The following AXIN2 variants were observed in gnomAD, a reference collection of about 807,000 sequenced individuals.
AXIN2 encodes the protein axin-2.
A neutral mutation model predicts 74.7 loss-of-function variants in AXIN2; 21 were observed. The ratio of observed to expected loss-of-function variants is 0.28; its 90% CI spans 0.20 to 0.40. The LOEUF is 0.40. Among genes scored for constraint, AXIN2 ranks in the 10% least tolerant of loss-of-function variants. AXIN2 has a pLI of 1.00. For synonymous variants in AXIN2, 532 were observed against 454.9 expected (o/e 1.17, Z -2.16); for missense variants, 1,144 against 1,111.1 (o/e 1.03, Z -0.42).
chr17:65,545,654 C>A (rs1384703425), intron 3 of AXIN2, among the ~76,000 whole-genome samples: 2 of 151,162 alleles, frequency 1.3e-5, no homozygotes, highest in African/African-American at 4.9e-5. Context: ...GACTCTGTCT[C>A]AAAAAAAAAT....
chr17:65,561,308 GC>G (rs1272863757), intron 1 of AXIN2, 141 bp downstream of exon 1: 5 of 88,488 alleles, frequency 5.7e-5, no homozygotes, highest in South Asian at 4.1e-4. Flanking sequence ...CCCCGCCCGC[GC>G]CCCCCTCCAG....
chr17:65,533,826 T>C, intron 10 of AXIN2, 86 bp downstream of exon 10: 1 of 780,476 alleles, frequency 1.3e-6, no homozygotes, highest in Non-Finnish European at 2.0e-6. Context: ...CACCTAGGTC[T>C]GCTCAGCCAG....
chr17:65,536,661 T>TAA, intron 7 of AXIN2, 108 bp from the exon 8 acceptor site: 21 of 1,218,790 alleles, frequency 1.7e-5, no homozygotes, highest in Non-Finnish European at 2.2e-5. Context: ...GAGAGAGAGT[T>TAA]AAAAAAAAAA....
chr17:65,553,205 G>A (rs1295052210), intron 2 of AXIN2, among the ~76,000 whole-genome samples: 2 of 152,288 alleles, frequency 1.3e-5, no homozygotes, highest in East Asian at 1.9e-4. Flanking sequence ...GTCCTCACAC[G>A]AATCTCCGAC....
At chr17:65,559,402 C>T (rs1016723621) in intron 1 of AXIN2, 5 of 152,078 alleles carry the variant, frequency 3.3e-5, no homozygotes, top group African/African-American at 1.2e-4. Flanking sequence ...GCAAACACCC[C>T]CTCCCCAACT....
intron 8 of AXIN2, 36 bp from the exon 9 acceptor site, chr17:65,535,757 C>T (rs1567753553): frequency 2.5e-6 from 4 of 1,569,022 alleles, no homozygotes; most frequent in Non-Finnish European, 1.8e-6. Flanking sequence ...TTTAGAGGTA[C>T]ACTGTTGTCC....
chr17:65,541,366 A>T, intron 4 of AXIN2, 89 bp downstream of exon 4: 1 of 1,208,574 alleles, frequency 8.3e-7, no homozygotes. Context: ...TACCTTCCCT[A>T]TACCTCTCCC....
rs2144498936 is a variant in AXIN2, at chr17:65,541,359, C to T, written c.1059+96G>A. 5.2e-6 allele frequency: 6 copies of T among 1,146,814 alleles called. No individual in the cohort carries two copies. The South Asian group carries it at 7.4e-5, about 14-fold the overall frequency. The allele number at this position is 1,146,814 out of a possible 1,614,324, so 71.0% of individuals were successfully genotyped here. A position where few individuals can be genotyped will look rare whatever the true frequency, so the allele number is the denominator to read the frequency against. Reference sequence around the variant, plus strand: ...GACCTTAGGTACTGCTCTTTTCTACCTTCCCTATACCTCTCCCCATTCCAC... The same window carrying T: ...GACCTTAGGTACTGCTCTTTTCTACTTTCCCTATACCTCTCCCCATTCCAC... On this transcript the variant is annotated intron_variant, in intron 4 of 10. Transcript: ENST00000307078.
chr17:65,537,609 T>A lies in AXIN2; in HGVS notation c.1427A>T (p.Gln476Leu). The A allele has an allele frequency of 6.2e-7, 1 of 1,600,730 alleles. No individual in the cohort carries two copies. Among genetic ancestry groups the A allele is most frequent in the Non-Finnish European group, 8.5e-7 (1 of 1,175,554 alleles). The change falls in exon 6 of 11, where the codon CAG becomes CTG. Residue 476 changes from glutamine (Q) to leucine (L), a missense_variant. Gln to Leu is a moderately radical substitution (Grantham distance 113). Transcript: ENST00000307078. The stretch of plus-strand genomic sequence containing the variant: ...ACCGGGCGGGAGCAGGGAGTGGTAC[T>A]GCGAATGGTGGTGGTGGTGGTGGTC... ...SPDHHHHHHS[Q>L]YHSLLPPGGK... is the part of the protein sequence containing the mutation.
intron 9 of AXIN2, among the ~76,000 whole-genome samples, chr17:65,535,327 T>C (rs1295427712): frequency 6.6e-6 from 1 of 152,192 alleles, no homozygotes; most frequent in Non-Finnish European, 1.5e-5. Context: ...TACTACTAAA[T>C]TGCAAGTTGA....
At chr17:65,533,221 A>G (rs189717168) in intron 10 of AXIN2, among the ~76,000 whole-genome samples, 33 of 152,316 alleles carry the variant, frequency 2.2e-4, no homozygotes, top group Admixed American at 2.6e-4. Flanking sequence ...TCCCTTCCTG[A>G]AGCCCCTGCA....
intron 10 of AXIN2, among the ~76,000 whole-genome samples, chr17:65,531,820 G>A (rs1359187763): frequency 6.6e-6 from 1 of 152,188 alleles, no homozygotes; most frequent in African/African-American, 2.4e-5. Flanking sequence ...TGGCGCGTCT[G>A]AAGGGACTGT....
intron 4 of AXIN2, 85 bp from the exon 5 acceptor site, chr17:65,538,428 G>A (rs1162105483): frequency 5.8e-6 from 9 of 1,556,626 alleles, no homozygotes; most frequent in African/African-American, 2.7e-5. Context: ...CGCACCAGGC[G>A]CTGTGCACCG....
In AXIN2 at chr17:65,537,635, C is replaced by A. The variant is rs771579039; in HGVS notation, c.1401G>T (p.Pro467=). The change falls in exon 6 of 11, where the codon CCG becomes CCT. Residue 467 remains proline, a synonymous_variant. Coordinates refer to ENST00000307078, the MANE Select transcript of AXIN2 (RefSeq NM_004655.4). ...VGRYSPRSRS[P]DHHHHHHSQY... ...GCGAATGGTGGTGGTGGTGGTGGTC[C>A]GGGGAGCGGGAGCGGGGGCTATAGC... 3.2e-6 allele frequency: 5 copies of A among 1,585,058 alleles called. No individual in the cohort carries two copies. In the South Asian group the frequency reaches 3.4e-5, roughly 11 times the overall value.
Position 65,537,816 on chromosome 17 carries a change from G to T in AXIN2, c.1220C>A (p.Ser407Tyr). The change falls in exon 6 of 11, where the codon TCC (serine) becomes TAC (tyrosine). Residue 407 changes from serine (S) to tyrosine (Y), a missense_variant. By Grantham distance (144) the Ser-to-Tyr change is moderately radical. Transcript: ENST00000307078. ...QIREDEEREG[S>Y]ELTLNSREGA... The stretch of plus-strand genomic sequence containing the variant: ...CTCCCGCGAATTGAGTGTGAGCTCG[G>T]AGCCCTCTCTCTCTTCATCCTGAAA... The T allele has an allele frequency of 6.4e-7, 1 of 1,574,102 alleles. No individual in the cohort carries two copies. The highest frequency in any genetic ancestry group is 8.6e-7 in the Non-Finnish European group (1 of 1,160,468).
chr17:65,542,329 A>C (rs533535832), intron 3 of AXIN2, among the ~76,000 whole-genome samples: 1 of 152,384 alleles, frequency 6.6e-6, no homozygotes, highest in East Asian at 1.9e-4. Context: ...AGAGAGCAGT[A>C]GACAAAGTGG....
intron 2 of AXIN2, among the ~76,000 whole-genome samples, chr17:65,552,874 C>CA (rs1446862227): frequency 6.6e-5 from 10 of 152,072 alleles, no homozygotes; most frequent in Admixed American, 5.2e-4. Context: ...ACTAAAAATA[C>CA]AAAACTAGCC....
At chr17:65,530,785 T>C (rs1330053789) in intron 10 of AXIN2, among the ~76,000 whole-genome samples, 1 of 152,150 alleles carries the variant, frequency 6.6e-6, no homozygotes, top group African/African-American at 2.4e-5. Flanking sequence ...TCCAGGCCTC[T>C]TCTCCCATCC....
chr17:65,545,737 G>A (rs1201671998), intron 3 of AXIN2, among the ~76,000 whole-genome samples: 1 of 152,120 alleles, frequency 6.6e-6, no homozygotes, highest in Non-Finnish European at 1.5e-5. Context: ...AGGCCCAAAT[G>A]CCCAGCCATC....
Sources: gnomAD v4.1 joint callset for allele counts (sites outside exome capture counted in the v4.1 genomes callset) on GRCh38, gnomAD v4.1.1 for gene constraint, MANE v1.5 for transcripts, NCBI Gene and HGNC (gene_info 2026-07-23, HGNC 2026-07-21) for gene names.